KIF16B: variants seen among roughly 807,000 people sequenced by gnomAD.
The protein encoded by KIF16B is kinesin-like protein KIF16B.
Under a neutral mutation model 156.3 loss-of-function variants are expected in KIF16B, and 98 were observed. That is an observed-to-expected ratio of 0.63 (90% confidence interval 0.53 to 0.74). The LOEUF (loss-of-function observed/expected upper bound fraction) is 0.74, where lower values mean the gene tolerates loss of function less well. Among genes scored for constraint, KIF16B ranks in the 30% least tolerant of loss-of-function variants. The pLI is 0.00. For missense variants in KIF16B, 1,421 were observed against 1,606.5 expected (o/e 0.88, Z 1.97); for synonymous variants, 564 against 583.7 (o/e 0.97, Z 0.49).
At position 16,505,843 on chromosome 20, in the gene KIF16B, AG is replaced by A. The variant is rs1178443478; in HGVS notation, c.878del (p.Ser293PhefsTer23). The part of the protein sequence containing the change: ...GNVISALADL[S>X]QDAANTLAKK... ...TTGCAAGAGTATTTGCAGCATCCTG[AG>A]ATAAATCAGCTATGAAAAGGAAGAA... On this transcript the variant is annotated frameshift_variant, in exon 9 of 26. Coordinates refer to ENST00000354981, the MANE Select transcript of KIF16B (RefSeq NM_024704.5). LOFTEE classifies it high-confidence loss of function. The A allele has an allele frequency of 6.2e-7, 1 of 1,613,828 alleles. No individual in the cohort carries two copies. Among genetic ancestry groups the A allele is most frequent in the Non-Finnish European group, 8.5e-7 (1 of 1,179,950 alleles).
chr20:16,400,929 A>G (rs931902418), intron 17 of KIF16B, among the ~76,000 whole-genome samples: 3 of 152,192 alleles, frequency 2.0e-5, no homozygotes, highest in African/African-American at 7.2e-5. Flanking sequence ...ATGTCAATGC[A>G]CTTCACACTA....
chr20:16,351,208 A>G (rs891630400), intron 23 of KIF16B, among the ~76,000 whole-genome samples: 3 of 152,082 alleles, frequency 2.0e-5, no homozygotes, highest in African/African-American at 7.2e-5. Flanking sequence ...GTGTTGGCTT[A>G]TTTCTTTATG....
intron 15 of KIF16B, among the ~76,000 whole-genome samples, chr20:16,424,719 A>T (rs1278322578): frequency 6.6e-6 from 1 of 152,058 alleles, no homozygotes; most frequent in African/African-American, 2.4e-5. Context: ...GCACTGTGGA[A>T]GGGTGAGGGC....
At chr20:16,553,252 A>T (rs2147305217) in intron 1 of KIF16B, among the ~76,000 whole-genome samples, 1 of 152,248 alleles carries the variant, frequency 6.6e-6, no homozygotes, top group East Asian at 1.9e-4. Flanking sequence ...CCTGCCAGGG[A>T]GCCCTGCCCT....
intron 1 of KIF16B, among the ~76,000 whole-genome samples, chr20:16,565,139 T>C (rs1178687884): frequency 6.6e-6 from 1 of 152,244 alleles, no homozygotes; most frequent in Non-Finnish European, 1.5e-5. Context: ...TTATACAGCA[T>C]TATTTTATGG....
intron 12 of KIF16B, among the ~76,000 whole-genome samples, chr20:16,478,140 C>A (rs2067871419): frequency 6.6e-6 from 1 of 152,168 alleles, no homozygotes; most frequent in Non-Finnish European, 1.5e-5. Context: ...ATATTAAATA[C>A]TGGGACAATT....
intron 12 of KIF16B, among the ~76,000 whole-genome samples, chr20:16,455,457 C>T (rs925861604): frequency 6.6e-6 from 1 of 152,048 alleles, no homozygotes; most frequent in Non-Finnish European, 1.5e-5. Flanking sequence ...TGAAGGTTGA[C>T]CTTTCAAACA....
chr20:16,353,347 G>A (rs1342398470), intron 23 of KIF16B, among the ~76,000 whole-genome samples: 1 of 152,010 alleles, frequency 6.6e-6, no homozygotes, highest in Non-Finnish European at 1.5e-5. Flanking sequence ...AATGCTGAGG[G>A]CAAGCAAACA....
chr20:16,340,089 C>T, intron 23 of KIF16B, among the ~76,000 whole-genome samples: 1 of 152,212 alleles, frequency 6.6e-6, no homozygotes, highest in East Asian at 1.9e-4. Context: ...TCCTCCCTGG[C>T]TCTTCCACAA....
intron 1 of KIF16B, among the ~76,000 whole-genome samples, chr20:16,542,409 C>G (rs917618416): frequency 1.3e-5 from 2 of 152,112 alleles, no homozygotes; most frequent in Non-Finnish European, 2.9e-5. Flanking sequence ...TCCCAGCCTG[C>G]ATTTCACAGA....
chr20:16,442,685 G>A (rs12624938), intron 12 of KIF16B, among the ~76,000 whole-genome samples: 19,054 of 152,004 alleles, frequency 0.13, 1,330 homozygotes, highest in Non-Finnish European at 0.17. Flanking sequence ...AGGGTGGGAG[G>A]AGAACCACCA....
At position 16,274,103 on chromosome 20, in the gene KIF16B, G is replaced by A. The variant is rs931572184; in HGVS notation, c.3796-692C>T. The stretch of plus-strand genomic sequence containing the variant: ...AAAAAAAAAACAAAAAAAAAAGGCC[G>A]GCCATCTGTACAAGGTTAAATGTGC... On this transcript the variant is annotated intron_variant, in intron 25 of 25. Transcript: ENST00000354981. 4.6e-5 allele frequency among the ~76,000 whole-genome samples: 7 copies of A among 150,780 alleles called. No individual in the cohort carries two copies. The East Asian group carries it at 7.7e-4, about 17-fold the overall frequency.
At chr20:16,400,059 A>C (rs558831451) in intron 17 of KIF16B, among the ~76,000 whole-genome samples, 1 of 152,218 alleles carries the variant, frequency 6.6e-6, no homozygotes, top group South Asian at 2.1e-4. Context: ...GGCTACAGGC[A>C]CTCCTTGGAC....
intron 22 of KIF16B, chr20:16,368,835 C>T (rs1320999538): frequency 1.0e-5 from 10 of 985,768 alleles, no homozygotes; most frequent in African/African-American, 1.7e-5. Context: ...CTTCTTGGGA[C>T]GTATGTTGCA....
intron 12 of KIF16B, among the ~76,000 whole-genome samples, chr20:16,471,594 T>C (rs1311302625): frequency 1.3e-5 from 2 of 152,212 alleles, no homozygotes; most frequent in Non-Finnish European, 2.9e-5. Context: ...ACATTTCTCT[T>C]ACAGAGAGGG....
At chr20:16,422,429 C>T (rs1368162132) in intron 15 of KIF16B, among the ~76,000 whole-genome samples, 1 of 152,022 alleles carries the variant, frequency 6.6e-6, no homozygotes, top group Non-Finnish European at 1.5e-5. Context: ...AGGAACATTG[C>T]TGGTCAATGT....
chr20:16,313,898 T>A (rs1365667637), intron 24 of KIF16B, among the ~76,000 whole-genome samples: 1 of 152,244 alleles, frequency 6.6e-6, no homozygotes, highest in African/African-American at 2.4e-5. Context: ...CTATGATCAC[T>A]TTCCTATAGA....
At chr20:16,309,893 T>C (rs1373219503) in intron 25 of KIF16B, among the ~76,000 whole-genome samples, 1 of 152,200 alleles carries the variant, frequency 6.6e-6, no homozygotes, top group African/African-American at 2.4e-5. Flanking sequence ...AAATATCTCA[T>C]TTGTCTTTGT....
rs753467638 is a variant in KIF16B at position 16,333,720 on chromosome 20, T to C, written c.3711+2206A>G. Among the ~76,000 whole-genome samples, 25 of 152,258 alleles carry C rather than the reference T, an allele frequency of 1.6e-4. 1 individual carries two copies. The highest frequency in any genetic ancestry group is 3.2e-4 in the Non-Finnish European group (22 of 68,044). The stretch of plus-strand genomic sequence containing the variant: ...ATATCTTTAAAGATTGTTTCTGTTA[T>C]GTTCATTCTGGAGTTTTCTTTAAAA... On this transcript the variant is annotated intron_variant, in intron 24 of 25. Coordinates refer to ENST00000354981, the MANE Select transcript of KIF16B (RefSeq NM_024704.5).
Sources: allele counts gnomAD v4.1 joint callset (sites outside exome capture counted in the v4.1 genomes callset), GRCh38; gene constraint gnomAD v4.1.1; transcripts MANE v1.5; gene names NCBI Gene and HGNC (gene_info 2026-07-23, HGNC 2026-07-21).